CAD: variants seen among roughly 807,000 people sequenced by gnomAD.
CAD encodes the protein multifunctional protein CAD.
A neutral mutation model predicts 237.2 loss-of-function variants in CAD; 81 were observed. The ratio of observed to expected loss-of-function variants is 0.34; its 90% confidence interval spans 0.29 to 0.41. The LOEUF (loss-of-function observed/expected upper bound fraction) is 0.41, where lower values mean the gene tolerates loss of function less well. Ranked by LOEUF, CAD falls within the 10% of genes least tolerant of loss-of-function variation. The pLI, the probability that CAD is intolerant of heterozygous loss-of-function variation, is 1.00. For missense variants in CAD, 2,181 were observed against 2,951.7 expected (o/e 0.74, Z 6.05); for synonymous variants, 1,196 against 1,162.8 (o/e 1.03, Z -0.58).
intron 15 of CAD, among the ~76,000 whole-genome samples, chr2:27,228,047 A>G (rs538390646): frequency 6.6e-6 from 1 of 152,400 alleles, no homozygotes; most frequent in South Asian, 2.1e-4. Flanking sequence ...AATTGAACAA[A>G]ATCAGTCACA....
Position 27,222,344 on chromosome 2 carries a change from G to A in CAD, c.495+8G>A. Reference sequence around the variant, plus strand: ...CCAGAGGTCTCCATTAAGGTACAGAGGTAGAGTGGGAGAGTGTTGCAAGCT... The same window carrying A: ...CCAGAGGTCTCCATTAAGGTACAGAAGTAGAGTGGGAGAGTGTTGCAAGCT... On this transcript the variant is annotated splice_region_variant and intron_variant, in intron 4 of 43. Coordinates refer to ENST00000264705, the MANE Select transcript of CAD (RefSeq NM_004341.5). 5.0e-6 allele frequency: 8 copies of A among 1,606,020 alleles called. No homozygotes were observed. Among genetic ancestry groups the A allele is most frequent in the Non-Finnish European group, 6.0e-6 (7 of 1,173,454 alleles).
Position 27,229,818 on chromosome 2 carries a change from G to T in CAD, c.2288-1650G>T, listed in dbSNP as rs184234714. ...TTGACCTCAGGAAGCAGAGGTTGCA[G>T]TGAGCTGAGATTGCACCACTGACTC... On this transcript the variant is annotated intron_variant, in intron 15 of 43. Coordinates refer to ENST00000264705, the MANE Select transcript of CAD (RefSeq NM_004341.5). 6.1e-5 allele frequency among the ~76,000 whole-genome samples: 9 copies of T among 147,574 alleles called. No homozygotes were observed. In the East Asian group the frequency reaches 1.6e-3, roughly 27 times the overall value.
intron 16 of CAD, 129 bp from the exon 17 acceptor site, chr2:27,231,851 G>C: frequency 3.6e-6 from 4 of 1,102,910 alleles, no homozygotes; most frequent in Non-Finnish European, 4.0e-6. Context: ...TTGGTATCCA[G>C]GTTTTTGCAG....
chr2:27,225,301 T>TTA, intron 11 of CAD, 58 bp downstream of exon 11: 105 of 963,004 alleles, frequency 1.1e-4, no homozygotes, highest in Middle Eastern at 2.5e-4. Context: ...TAGTGTTATT[T>TTA]TCTTTTTTTT....
At chr2:27,238,700 G>A (rs1676145496) in intron 31 of CAD, 68 bp downstream of exon 31, 6 of 1,446,842 alleles carry the variant, frequency 4.1e-6, no homozygotes, top group African/African-American at 1.4e-5. Flanking sequence ...CAAGAAAATG[G>A]GAAGCAGGCC....
chr2:27,235,177 C>T lies in CAD; in HGVS notation c.3787-68C>T, dbSNP rs993528195. The T allele has an allele frequency of 1.0e-4, 142 of 1,400,230 alleles. No homozygotes were observed. In the Admixed American group the frequency reaches 2.6e-3, roughly 26 times the overall value. The allele number at this position is 1,400,230 out of a possible 1,614,324, so 86.7% of individuals were successfully genotyped here. A position where few individuals can be genotyped will look rare whatever the true frequency, so the allele number is the denominator to read the frequency against. On this transcript the variant is annotated intron_variant, in intron 23 of 43. Transcript: ENST00000264705. This position sits in a 1 kb window ranked among gnomAD's most constrained non-coding sequence, Gnocchi z 5.2. ...GGGATCAAGCACAGGGTACTGTGTC[C>T]GTCTCTGCTGGTGAGGGAGGAGGTC...
rs758330026 is a variant in CAD at position 27,242,322 on chromosome 2, G to A, written c.6117G>A (p.Arg2039=). 1 of 1,612,892 alleles carries A rather than the reference G, an allele frequency of 6.2e-7. No individual in the cohort carries two copies. Among genetic ancestry groups the A allele is most frequent in the Admixed American group, 1.7e-5 (1 of 59,942 alleles). The change falls in exon 40 of 44, where the codon CGG becomes CGA. Residue 2039 remains arginine (R), a synonymous_variant. Transcript: ENST00000264705. The surrounding 1 kb of genome is among the most constrained non-coding windows in gnomAD (Gnocchi z 6.4). ...GAVELAAKHC[R]RPVINAGDGV... The stretch of plus-strand genomic sequence containing the variant: ...TCCAGCTGGCCGCCAAGCACTGCCG[G>A]AGGCCAGTGATCAATGCTGGGGATG...
chr2:27,221,753 A>ATTTTTTT (rs57429918), intron 3 of CAD, among the ~76,000 whole-genome samples: 30 of 103,488 alleles, frequency 2.9e-4, no homozygotes, highest in African/African-American at 5.6e-4. Flanking sequence ...AAATTTCCCA[A>ATTTTTTT]TTTTTTTTTT....
Position 27,233,187 on chromosome 2 carries a change from G to A in CAD, c.2991+47G>A. 6.6e-7 allele frequency: 1 copy of A among 1,515,652 alleles called. No homozygotes were observed. Among genetic ancestry groups the A allele is most frequent in the Non-Finnish European group, 9.2e-7 (1 of 1,090,616 alleles). 93.9% of individuals were successfully genotyped at this position (1,515,652 alleles called of 1,614,324 possible). ...TGGTAGCTTGAGTGGCCAGGGTCGAGTAGAACAGCTGGCTGACCTAAGATT... is the reference window on the plus strand; with the variant it reads ...TGGTAGCTTGAGTGGCCAGGGTCGAATAGAACAGCTGGCTGACCTAAGATT... On this transcript the variant is annotated intron_variant, in intron 19 of 43. Coordinates refer to ENST00000264705, the MANE Select transcript of CAD (RefSeq NM_004341.5). The surrounding 1 kb of genome is among the most constrained non-coding windows in gnomAD (Gnocchi z 6.3).
In CAD at chr2:27,232,695, G is replaced by T. The variant is rs1156416298; in HGVS notation, c.2892+1G>T. On this transcript the variant is annotated splice_donor_variant, in intron 18 of 43. Transcript: ENST00000264705. LOFTEE classifies it high-confidence loss of function. The surrounding 1 kb of genome is among the most constrained non-coding windows in gnomAD (Gnocchi z 4.1). ...AGGCTGCATCCAGCAGCTCCGAAAGGTCAGAGAGTTCATTTTCTTTCCACT... is the reference window on the plus strand; with the variant it reads ...AGGCTGCATCCAGCAGCTCCGAAAGTTCAGAGAGTTCATTTTCTTTCCACT... 1.2e-6 allele frequency: 2 copies of T among 1,614,050 alleles called. No individual in the cohort carries two copies. The highest frequency in any genetic ancestry group is 1.7e-6 in the Non-Finnish European group (2 of 1,180,024).
chr2:27,234,774 C>T (rs1675921263), intron 23 of CAD, 89 bp downstream of exon 23: 1 of 1,268,998 alleles, frequency 7.9e-7, no homozygotes, highest in East Asian at 2.5e-5. Context: ...GTAAACCAGG[C>T]ACTGACTGCA....
Position 27,239,639 on chromosome 2 carries a change from C to G in CAD, c.5395-58C>G. 6.7e-7 allele frequency: 1 copy of G among 1,488,454 alleles called. No homozygotes were observed. The highest frequency in any genetic ancestry group is 9.2e-7 in the Non-Finnish European group (1 of 1,090,154). 92.2% of individuals were successfully genotyped at this position (1,488,454 alleles called of 1,614,324 possible). A position where few individuals can be genotyped will look rare whatever the true frequency, so the allele number is the denominator to read the frequency against. On this transcript the variant is annotated intron_variant, in intron 33 of 43. Coordinates refer to ENST00000264705, the MANE Select transcript of CAD (RefSeq NM_004341.5). The surrounding 1 kb of genome is among the most constrained non-coding windows in gnomAD (Gnocchi z 4.0). The stretch of plus-strand genomic sequence containing the variant: ...GCTTTTTGTCCTTGCTGACATCTAC[C>G]CCTTTAGGACCTGAGTTCTCTCTGC...
rs958308514 is a variant in CAD, at chr2:27,237,896, A to C, written c.4728+14A>C. ...CAGTGGATGGAGGTAGGGAGTGTGC[A>C]TGTGGCAGGAGGCCACCACCCAGTG... On this transcript the variant is annotated intron_variant, in intron 29 of 43. Coordinates refer to ENST00000264705, the MANE Select transcript of CAD (RefSeq NM_004341.5). This position sits in a 1 kb window ranked among gnomAD's most constrained non-coding sequence, Gnocchi z 4.0. 1 of 1,594,674 alleles carries C rather than the reference A, an allele frequency of 6.3e-7. No homozygotes were observed. Among genetic ancestry groups the C allele is most frequent in the Non-Finnish European group, 8.6e-7 (1 of 1,167,698 alleles).
At position 27,234,506 on chromosome 2, in the gene CAD, T is replaced by G. The variant is rs757738024; in HGVS notation, c.3619-12T>G. 1 of 1,613,066 alleles carries G rather than the reference T, an allele frequency of 6.2e-7. No individual in the cohort carries two copies. The highest frequency in any genetic ancestry group is 8.5e-7 in the Non-Finnish European group (1 of 1,179,422). On this transcript the variant is annotated splice_polypyrimidine_tract_variant and intron_variant, in intron 22 of 43. Transcript: ENST00000264705. The stretch of plus-strand genomic sequence containing the variant: ...AACCTGCAGAAGGCCTGACCAGTCT[T>G]CTCTGCCCCAGGATGACCAGCTGAA...
intron 3 of CAD, 101 bp from the exon 4 acceptor site, chr2:27,222,093 T>C: frequency 8.5e-7 from 1 of 1,173,860 alleles, no homozygotes; most frequent in East Asian, 2.4e-5. Flanking sequence ...AGAACAGCTG[T>C]GTGTGACTGG....
Position 27,239,955 on chromosome 2 carries a change from G to T in CAD, c.5496+157G>T, listed in dbSNP as rs1294751168. 9 of 619,900 alleles carry T rather than the reference G, an allele frequency of 1.5e-5. No individual in the cohort carries two copies. Among genetic ancestry groups the T allele is most frequent in the Middle Eastern group, 3.0e-4 (1 of 3,374 alleles). The allele number at this position is 619,900 out of a possible 1,614,324, so 38.4% of individuals were successfully genotyped here. ...GTCAATTATTTTTTTAAAATGCTGG[G>T]CCAGGCCAGATGTGGTGGCTCACAC... On this transcript the variant is annotated intron_variant, in intron 34 of 43. Coordinates refer to ENST00000264705, the MANE Select transcript of CAD (RefSeq NM_004341.5). This position sits in a 1 kb window ranked among gnomAD's most constrained non-coding sequence, Gnocchi z 4.0.
At position 27,236,274 on chromosome 2, in the gene CAD, G is replaced by A; in HGVS notation, c.4075-10G>A. Reference sequence around the variant, plus strand: ...ACAGCTTGGCCCTGACCTTGACTCCGGGTTGGCAGGTAACAGCTGTGGACT... The same window carrying A: ...ACAGCTTGGCCCTGACCTTGACTCCAGGTTGGCAGGTAACAGCTGTGGACT... On this transcript the variant is annotated splice_polypyrimidine_tract_variant and intron_variant, in intron 25 of 43. Transcript: ENST00000264705. The surrounding 1 kb of genome is among the most constrained non-coding windows in gnomAD (Gnocchi z 4.1). The A allele has an allele frequency of 4.3e-6, 7 of 1,611,922 alleles. No homozygotes were observed. The highest frequency in any genetic ancestry group is 2.2e-5 in the East Asian group (1 of 44,848).
At position 27,217,530 on chromosome 2, in the gene CAD, C is replaced by T. The variant is rs762052886; in HGVS notation, c.-22C>T. Reference sequence around the variant, plus strand: ...TCCTTCCCGCTTCTCCGTACTCGCCCCCGCCTCTGAGCTCCCTTCCCATGG... The same window carrying T: ...TCCTTCCCGCTTCTCCGTACTCGCCTCCGCCTCTGAGCTCCCTTCCCATGG... On this transcript the variant is annotated 5_prime_UTR_variant, in exon 1 of 44. Transcript: ENST00000264705. 2 of 1,588,956 alleles carry T rather than the reference C, an allele frequency of 1.3e-6. No homozygotes were observed. Among genetic ancestry groups the T allele is most frequent in the Non-Finnish European group, 1.7e-6 (2 of 1,166,060 alleles).
intron 6 of CAD, 82 bp from the exon 7 acceptor site, chr2:27,223,481 G>A (rs1675282613): frequency 1.6e-6 from 2 of 1,229,684 alleles, no homozygotes; most frequent in African/African-American, 1.5e-5. Flanking sequence ...ACTGAGAACA[G>A]GAGATCGGTG....
Sources: gnomAD v4.1 joint callset for allele counts (sites outside exome capture counted in the v4.1 genomes callset) on GRCh38, gnomAD v4.1.1 for gene constraint, Gnocchi (gnomAD v3.1) non-coding constraint, MANE v1.5 for transcripts, NCBI Gene and HGNC (gene_info 2026-07-23, HGNC 2026-07-21) for gene names.